Variants in ST3GAL6 observed in about 807,000 individuals in gnomAD.
ST3GAL6 encodes ST3 beta-galactoside alpha-2,3-sialyltransferase 6, also known as type 2 lactosamine alpha-2,3-sialyltransferase.
In ST3GAL6, 31 loss-of-function variants were observed where a neutral mutation model predicts 40.5. The observed-to-expected ratio is 0.77, with a 90% CI of 0.58 to 1.03. ST3GAL6 has a LOEUF of 1.03. Among genes scored for constraint, ST3GAL6 ranks in the 50% least tolerant of loss-of-function variants. The pLI is 0.00. For synonymous variants in ST3GAL6, 129 were observed against 136.9 expected, an observed-to-expected ratio of 0.94 and a Z score of 0.40; for missense variants, 357 against 393.2, an observed-to-expected ratio of 0.91 and a Z score of 0.78.
upstream of ST3GAL6, among the ~76,000 whole-genome samples, chr3:98,761,045 AG>A (rs755995721): frequency 5.4e-4 from 83 of 152,336 alleles, no homozygotes; most frequent in Middle Eastern, 6.8e-3. Flanking sequence ...TCAGGCTGCT[AG>A]GGGCCAGGAA....
At chr3:98,761,082 G>C (rs1281167873), upstream of ST3GAL6, among the ~76,000 whole-genome samples, 1 of 152,164 alleles carries the variant, frequency 6.6e-6, no homozygotes, top group African/African-American at 2.4e-5. Flanking sequence ...TGACTACAAA[G>C]AGGAACAAAG....
chr3:98,793,909 T>C lies in ST3GAL6; in HGVS notation c.*148T>C, dbSNP rs1941409610. The C allele has an allele frequency of 4.6e-6, 2 of 433,458 alleles. No homozygotes were observed. Among genetic ancestry groups the C allele is most frequent in the Admixed American group, 8.7e-5 (2 of 22,944 alleles). 26.9% of individuals were successfully genotyped at this position (433,458 alleles called of 1,614,324 possible). On this transcript the variant is annotated 3_prime_UTR_variant, in exon 10 of 10. Coordinates refer to ENST00000483910, the MANE Select transcript of ST3GAL6 (RefSeq NM_001323368.2). Reference sequence around the variant, plus strand: ...GATTCATAACCACCAGCTTAATTTCTGTGAATACTGTATATTTAACTTATG... The same window carrying C: ...GATTCATAACCACCAGCTTAATTTCCGTGAATACTGTATATTTAACTTATG...
chr3:98,789,547 T>G (rs1209618390), intron 8 of ST3GAL6, among the ~76,000 whole-genome samples: 2 of 152,214 alleles, frequency 1.3e-5, no homozygotes, highest in Non-Finnish European at 2.9e-5. Context: ...CTCAGATATA[T>G]CCAACATTTT....
At chr3:98,744,440 T>C (rs1936379993) in intron 1 of ST3GAL6, among the ~76,000 whole-genome samples, 1 of 152,208 alleles carries the variant, frequency 6.6e-6, no homozygotes, top group African/African-American at 2.4e-5. Context: ...GCTGTGGCTC[T>C]CTAAACTGAC....
intron 1 of ST3GAL6, among the ~76,000 whole-genome samples, chr3:98,740,308 A>G (rs1234475091): frequency 1.4e-5 from 2 of 142,492 alleles, no homozygotes; most frequent in Non-Finnish European, 1.5e-5. Flanking sequence ...ATATTCTTAC[A>G]AAAATCTTAT....
chr3:98,746,708 T>C (rs1008123059), intron 1 of ST3GAL6, among the ~76,000 whole-genome samples: 4 of 152,126 alleles, frequency 2.6e-5, no homozygotes, highest in African/African-American at 9.7e-5. Context: ...TTTTAAAAAT[T>C]ATGCAATATT....
intron 1 of ST3GAL6, among the ~76,000 whole-genome samples, chr3:98,739,007 A>G (rs1322055486): frequency 6.6e-6 from 1 of 152,232 alleles, no homozygotes; most frequent in Admixed American, 6.5e-5. Flanking sequence ...CCACACTCTT[A>G]GACCACAATG....
upstream of ST3GAL6, among the ~76,000 whole-genome samples, chr3:98,760,103 C>G (rs893250678): frequency 2.0e-5 from 3 of 152,194 alleles, no homozygotes; most frequent in Non-Finnish European, 2.9e-5. Flanking sequence ...TGAAAACTTT[C>G]AAAGGTCAAG....
intron 6 of ST3GAL6, among the ~76,000 whole-genome samples, chr3:98,786,076 A>G (rs1364986559): frequency 6.6e-6 from 1 of 152,182 alleles, no homozygotes; most frequent in Non-Finnish European, 1.5e-5. Flanking sequence ...GAGGAAAACC[A>G]TGATATGAAC....
chr3:98,763,346 A>G lies in ST3GAL6; in HGVS notation c.-105A>G. On this transcript the variant is annotated 5_prime_UTR_variant, in exon 1 of 10. Transcript: ENST00000483910. ...ACAGTCTGGAGTGTATGTCAGTGTG[A>G]GCTGAAGACCAGCAGAGACTAGGAT... 1 of 1,289,836 alleles carries G rather than the reference A, an allele frequency of 7.8e-7. No homozygotes were observed. Among genetic ancestry groups the G allele is most frequent in the Non-Finnish European group, 1.0e-6 (1 of 988,848 alleles). 79.9% of individuals were successfully genotyped at this position (1,289,836 alleles called of 1,614,324 possible).
chr3:98,745,518 C>T (rs753764395), intron 1 of ST3GAL6, among the ~76,000 whole-genome samples: 1 of 152,162 alleles, frequency 6.6e-6, no homozygotes, highest in Non-Finnish European at 1.5e-5. Context: ...GTCCTTTGGT[C>T]TTTAATGTCC....
intron 1 of ST3GAL6, among the ~76,000 whole-genome samples, chr3:98,735,476 C>T (rs1935462338): frequency 6.6e-6 from 1 of 152,204 alleles, no homozygotes; most frequent in Non-Finnish European, 1.5e-5. Context: ...ATCTTCTGCA[C>T]ATCTCTGATG....
intron 9 of ST3GAL6, 90 bp from the exon 10 acceptor site, chr3:98,793,585 C>A: frequency 1.4e-6 from 1 of 736,108 alleles, no homozygotes; most frequent in Non-Finnish European, 2.1e-6. Context: ...GTTCTTTATT[C>A]GGATTTTTTT....
intron 1 of ST3GAL6, among the ~76,000 whole-genome samples, chr3:98,737,518 C>A (rs1007300381): frequency 1.3e-5 from 2 of 152,168 alleles, no homozygotes; most frequent in Non-Finnish European, 2.9e-5. Context: ...AGCTCAGAGA[C>A]GCCTATACAG....
intron 1 of ST3GAL6, among the ~76,000 whole-genome samples, chr3:98,749,760 A>G (rs1259463318): frequency 6.6e-6 from 1 of 152,246 alleles, no homozygotes; most frequent in Non-Finnish European, 1.5e-5. Flanking sequence ...AGAAAAACAT[A>G]AGAATGCTTT....
chr3:98,752,660 A>G (rs1559728314), intron 1 of ST3GAL6, among the ~76,000 whole-genome samples: 2 of 151,916 alleles, frequency 1.3e-5, no homozygotes, highest in Non-Finnish European at 2.9e-5. Flanking sequence ...TTTAGTAGAG[A>G]CGGGGTTTCA....
rs185426745 is a variant in ST3GAL6 at position 98,774,003 on chromosome 3, T to C, written c.335+20T>C. ...TGACAAGTGAGTTTATTTCCTTGCT[T>C]CTAGTCTGGCTTTTAGCTTCAGCTA... On this transcript the variant is annotated intron_variant, in intron 5 of 9. Coordinates refer to ENST00000483910, the MANE Select transcript of ST3GAL6 (RefSeq NM_001323368.2). 1.2e-4 allele frequency: 199 copies of C among 1,598,088 alleles called. No homozygotes were observed. In the African/African-American group the frequency reaches 2.4e-3, roughly 19 times the overall value.
At chr3:98,732,627 T>C in intron 1 of ST3GAL6, 1 of 475,894 alleles carries the variant, frequency 2.1e-6, no homozygotes, top group African/African-American at 2.0e-5. Flanking sequence ...TCCTCGAATT[T>C]GGGGGCGGCC....
chr3:98,756,660 C>T (rs950972329), intron 1 of ST3GAL6: 16 of 835,180 alleles, frequency 1.9e-5, no homozygotes, highest in Non-Finnish European at 2.5e-5. Flanking sequence ...TCTATGAATA[C>T]AGGTGCCTGC....
Sources: gnomAD v4.1 joint callset for allele counts (sites outside exome capture counted in the v4.1 genomes callset) on GRCh38, gnomAD v4.1.1 for gene constraint, MANE v1.5 for transcripts, NCBI Gene and HGNC (gene_info 2026-07-23, HGNC 2026-07-21) for gene names.